The following PDE11A variants were observed in gnomAD, a reference collection of about 807,000 sequenced individuals.
PDE11A encodes the protein dual 3',5'-cyclic-AMP and -GMP phosphodiesterase 11A.
In PDE11A, 100 loss-of-function variants were observed where a neutral mutation model predicts 100.5. That is an observed-to-expected ratio of 1.00 (90% CI 0.85 to 1.18). The LOEUF is 1.18. Ranked by LOEUF, PDE11A falls within the 50% of genes most tolerant of loss-of-function variation. The pLI, the probability that PDE11A is intolerant of heterozygous loss-of-function variation, is 0.00. For missense variants in PDE11A, 1,141 were observed against 1,152.6 expected, an observed-to-expected ratio of 0.99 and a Z score of 0.15; for synonymous variants, 381 against 420.8, an observed-to-expected ratio of 0.91 and a Z score of 1.16.
intron 12 of PDE11A, among the ~76,000 whole-genome samples, chr2:177,719,642 C>T (rs1436719110): frequency 6.6e-6 from 1 of 152,050 alleles, no homozygotes; most frequent in Non-Finnish European, 1.5e-5. Context: ...CTTTGCTGAT[C>T]TATAGATGGC....
intron 9 of PDE11A, among the ~76,000 whole-genome samples, chr2:177,772,111 T>C (rs1350251595): frequency 6.6e-6 from 1 of 152,186 alleles, no homozygotes; most frequent in African/African-American, 2.4e-5. Context: ...TTCTCTTCCA[T>C]TGTAGACTTT....
chr2:177,649,563 T>C (rs7422544), intron 19 of PDE11A, among the ~76,000 whole-genome samples: 118,824 of 152,168 alleles, frequency 0.78, 47,114 homozygotes, highest in East Asian at 0.9. Context: ...TAGATACATA[T>C]GCACTTACAC....
At chr2:177,677,070 G>A (rs906844148) in intron 16 of PDE11A, among the ~76,000 whole-genome samples, 3 of 152,138 alleles carry the variant, frequency 2.0e-5, no homozygotes, top group Non-Finnish European at 4.4e-5. Context: ...ATCTCTATGA[G>A]GTTGCCTATT....
rs1038153368 is a variant in PDE11A, at chr2:178,082,264, G to A, written c.162+22038C>T. 3.3e-5 allele frequency among the ~76,000 whole-genome samples: 5 copies of A among 152,008 alleles called. No individual in the cohort carries two copies. In the East Asian group the frequency reaches 7.7e-4, roughly 23 times the overall value. ...TAAAAGAAAGAAACAGAACAGTTTC[G>A]GTCACATAGTAAACTCTCAATAAAT... is the stretch of plus-strand genomic sequence containing the variant. On this transcript the variant is annotated intron_variant, in intron 2 of 20. Coordinates refer to the PDE11A transcript ENST00000358450.
At chr2:177,776,190 A>G (rs2082375003) in intron 9 of PDE11A, among the ~76,000 whole-genome samples, 1 of 152,184 alleles carries the variant, frequency 6.6e-6, no homozygotes, top group Admixed American at 6.5e-5. Context: ...ATAAAAATAG[A>G]GGACACCCAC....
intron 2 of PDE11A, among the ~76,000 whole-genome samples, chr2:177,962,434 T>C (rs909437895): frequency 2.6e-5 from 4 of 152,092 alleles, no homozygotes; most frequent in Non-Finnish European, 5.9e-5. Context: ...ATAATGAATT[T>C]ATATAGTATA....
chr2:177,925,300 T>G (rs559097318), intron 2 of PDE11A, among the ~76,000 whole-genome samples: 32 of 152,104 alleles, frequency 2.1e-4, no homozygotes, highest in East Asian at 5.8e-4. Context: ...CTGAGGAATC[T>G]CCACACTGAC....
chr2:178,040,221 C>T (rs1278305580), intron 1 of PDE11A, among the ~76,000 whole-genome samples: 3 of 152,014 alleles, frequency 2.0e-5, no homozygotes, highest in South Asian at 4.2e-4. Context: ...TGCACTACTA[C>T]ACCTGGCTAA....
At chr2:177,996,863 G>A (rs1350912320) in intron 2 of PDE11A, among the ~76,000 whole-genome samples, 1 of 152,152 alleles carries the variant, frequency 6.6e-6, no homozygotes, top group Non-Finnish European at 1.5e-5. Flanking sequence ...GAACTAGACT[G>A]AATTTCACTA....
intron 12 of PDE11A, among the ~76,000 whole-genome samples, chr2:177,712,758 G>A (rs2081375093): frequency 6.6e-6 from 1 of 152,102 alleles, no homozygotes; most frequent in African/African-American, 2.4e-5. Flanking sequence ...TTGATCGAAG[G>A]CCTTTATATC....
At chr2:178,017,710 C>T (rs565112123) in intron 1 of PDE11A, among the ~76,000 whole-genome samples, 2 of 152,248 alleles carry the variant, frequency 1.3e-5, no homozygotes, top group Non-Finnish European at 2.9e-5. Context: ...CCTGTAATCT[C>T]AGCACGTTGG....
intron 5 of PDE11A, among the ~76,000 whole-genome samples, chr2:177,843,784 T>C (rs952494125): frequency 6.6e-6 from 1 of 152,170 alleles, no homozygotes; most frequent in African/African-American, 2.4e-5. Flanking sequence ...ATAAACAATA[T>C]AAAAATTAAA....
intron 19 of PDE11A, among the ~76,000 whole-genome samples, chr2:177,659,896 C>T (rs2080450200): frequency 6.6e-6 from 1 of 152,142 alleles, no homozygotes; most frequent in Non-Finnish European, 1.5e-5. Context: ...TCGAGATACC[C>T]TGCTAGGACA....
chr2:177,750,633 G>T (rs2082012772), intron 10 of PDE11A, among the ~76,000 whole-genome samples: 1 of 152,196 alleles, frequency 6.6e-6, no homozygotes, highest in Non-Finnish European at 1.5e-5. Context: ...ACCAGCTGAT[G>T]GGCTTTGTAA....
intron 5 of PDE11A, among the ~76,000 whole-genome samples, chr2:177,848,939 A>C (rs571914132): frequency 4.6e-5 from 7 of 152,348 alleles, no homozygotes; most frequent in Non-Finnish European, 8.8e-5. Flanking sequence ...CCACATTAGA[A>C]GACAAAACAT....
chr2:177,776,706 G>A lies in PDE11A; in HGVS notation c.1738-7333C>T, dbSNP rs543248280. On this transcript the variant is annotated intron_variant, in intron 9 of 19. Transcript: ENST00000286063. ...GGGGTCCTTACAAGAAGAGGAGTTCGGAATATGAATAACAGAAATAGAAGA... is the reference window on the plus strand; with the variant it reads ...GGGGTCCTTACAAGAAGAGGAGTTCAGAATATGAATAACAGAAATAGAAGA... 1.8e-4 allele frequency among the ~76,000 whole-genome samples: 28 copies of A among 152,190 alleles called. No homozygotes were observed. The South Asian group carries it at 4.8e-3, about 26-fold the overall frequency.
At chr2:177,795,975 A>ATC (rs1553475870) in intron 9 of PDE11A, among the ~76,000 whole-genome samples, 2 of 136,262 alleles carry the variant, frequency 1.5e-5, no homozygotes, top group Admixed American at 7.3e-5. Flanking sequence ...ATATATATAT[A>ATC]TCTTTGCTTT....
intron 5 of PDE11A, among the ~76,000 whole-genome samples, chr2:177,851,494 C>A (rs1162281852): frequency 6.6e-6 from 1 of 151,994 alleles, no homozygotes; most frequent in East Asian, 1.9e-4. Flanking sequence ...ATGTAACAAA[C>A]CTGCACGTTG....
At chr2:177,853,627 A>C (rs2083754842) in intron 5 of PDE11A, among the ~76,000 whole-genome samples, 2 of 108,724 alleles carry the variant, frequency 1.8e-5, no homozygotes, top group African/African-American at 3.5e-5. Flanking sequence ...CCTTCCCAAC[A>C]AGTCCTGCAT....
Sources: gnomAD v4.1 joint callset for allele counts (sites outside exome capture counted in the v4.1 genomes callset) on GRCh38, gnomAD v4.1.1 for gene constraint, MANE v1.5 for transcripts, NCBI Gene and HGNC (gene_info 2026-07-23, HGNC 2026-07-21) for gene names.